MID1: variants seen among roughly 807,000 people sequenced by gnomAD.
MID1 encodes midline 1, also known as E3 ubiquitin-protein ligase Midline-1.
In MID1, 7 loss-of-function variants were observed where a neutral mutation model predicts 40.4. The ratio of observed to expected loss-of-function variants is 0.17; its 90% CI spans 0.10 to 0.33. MID1 has a LOEUF of 0.33. MID1 is among the 10% of genes least tolerant of loss of function. MID1 has a pLI of 1.00. For synonymous variants in MID1, 229 were observed against 221.2 expected (o/e 1.04, Z -0.31); for missense variants, 367 against 558.5 (o/e 0.66, Z 3.46).
intron 5 of MID1, among the ~76,000 whole-genome samples, chrX:10,480,870 C>T (rs1468599881): frequency 1.8e-5 from 2 of 112,249 alleles, no homozygotes; most frequent in Non-Finnish European, 3.8e-5. Context: ...ATACATTACT[C>T]TTTAAGAAGA....
intron 1 of MID1, among the ~76,000 whole-genome samples, chrX:10,607,566 G>A (rs934681803): frequency 8.9e-6 from 1 of 112,522 alleles, no homozygotes; most frequent in Admixed American, 9.4e-5. Context: ...ATGTATGTCT[G>A]TGTATATGTA....
At chrX:10,643,917 A>G (rs1936233169) in intron 1 of MID1, among the ~76,000 whole-genome samples, 1 of 111,174 alleles carries the variant, frequency 9.0e-6, no homozygotes, top group Non-Finnish European at 1.9e-5. Context: ...AGAAAACCAA[A>G]CACCATATGT....
At chrX:10,457,194 G>T (rs936358668) in intron 8 of MID1, among the ~76,000 whole-genome samples, 3 of 111,796 alleles carry the variant, frequency 2.7e-5, no homozygotes, top group South Asian at 3.8e-4. Flanking sequence ...AGTTCTGCTC[G>T]GCCTCCTTCC....
At chrX:10,628,159 T>C (rs1213980803) in intron 1 of MID1, among the ~76,000 whole-genome samples, 3 of 107,204 alleles carry the variant, frequency 2.8e-5, no homozygotes, top group Non-Finnish European at 3.9e-5. Flanking sequence ...TTGTCATAAG[T>C]TTTTTTTTTC....
chrX:10,768,976 G>T (rs1327238483), intron 1 of MID1, among the ~76,000 whole-genome samples: 1 of 111,636 alleles, frequency 9.0e-6, no homozygotes, highest in East Asian at 2.8e-4. Flanking sequence ...GTGTGAATGG[G>T]TGTGCACACA....
intron 1 of MID1, among the ~76,000 whole-genome samples, chrX:10,630,498 C>T (rs1428221857): frequency 9.3e-6 from 1 of 107,456 alleles, no homozygotes; most frequent in African/African-American, 3.5e-5. Flanking sequence ...GTAGTAGGAG[C>T]TGAAGTCTCA....
chrX:10,482,030 G>A (rs1930357038), intron 5 of MID1, among the ~76,000 whole-genome samples: 1 of 111,411 alleles, frequency 9.0e-6, no homozygotes, highest in African/African-American at 3.3e-5. Context: ...ATGAAAATGG[G>A]CCTAACAGAG....
At chrX:10,754,830 A>T (rs1296126779) in intron 1 of MID1, among the ~76,000 whole-genome samples, 1 of 112,279 alleles carries the variant, frequency 8.9e-6, no homozygotes, top group African/African-American at 3.2e-5. Context: ...TTTAGTTGCA[A>T]AATATATTAA....
intron 9 of MID1, among the ~76,000 whole-genome samples, chrX:10,451,057 G>A (rs1164141368): frequency 8.9e-6 from 1 of 111,783 alleles, no homozygotes; most frequent in East Asian, 2.8e-4. Context: ...AGAGTGGTGT[G>A]TTTGTTTAAA....
At chrX:10,575,035 A>C (rs1934834676) in intron 1 of MID1, among the ~76,000 whole-genome samples, 1 of 112,883 alleles carries the variant, frequency 8.9e-6, no homozygotes, top group South Asian at 3.6e-4. Flanking sequence ...AAATGGTTTC[A>C]GAACAGGAAG....
At chrX:10,782,912 CTACA>C (rs888229284) in intron 1 of MID1, among the ~76,000 whole-genome samples, 7 of 111,389 alleles carry the variant, frequency 6.3e-5, no homozygotes, top group African/African-American at 2.3e-4. Context: ...TACCCCAGAA[CTACA>C]TACACAGAAT....
At chrX:10,535,810 T>C (rs1029743400) in intron 2 of MID1, among the ~76,000 whole-genome samples, 5 of 112,356 alleles carry the variant, frequency 4.5e-5, no homozygotes, top group African/African-American at 9.7e-5. Context: ...GACAAAAGAA[T>C]AGATTTACAG....
intron 9 of MID1, among the ~76,000 whole-genome samples, chrX:10,453,785 A>G (rs111400600): frequency 0.017 from 1,920 of 112,025 alleles, 39 homozygotes; most frequent in African/African-American, 0.055. Flanking sequence ...ACTGCTGGTT[A>G]AGAGCCTGAC....
At chrX:10,765,993 AAGAAAG>A (rs1188833141) in intron 1 of MID1, among the ~76,000 whole-genome samples, 2 of 109,424 alleles carry the variant, frequency 1.8e-5, no homozygotes, top group Non-Finnish European at 3.8e-5. Flanking sequence ...GAAAGAAAGA[AAGAAAG>A]AAAGAAAGAA....
intron 1 of MID1, among the ~76,000 whole-genome samples, chrX:10,654,555 G>A (rs1162022560): frequency 2.7e-5 from 3 of 111,659 alleles, no homozygotes; most frequent in African/African-American, 6.5e-5. Context: ...TAAGGTTTGC[G>A]CTCCTATGAG....
intron 2 of MID1, among the ~76,000 whole-genome samples, chrX:10,557,708 G>C (rs1934176139): frequency 8.9e-6 from 1 of 112,188 alleles, no homozygotes; most frequent in South Asian, 3.7e-4. Context: ...GAATCAAAAA[G>C]CCAGAAGAAA....
chrX:10,563,004 T>G (rs1475754304), intron 2 of MID1, among the ~76,000 whole-genome samples: 2 of 96,371 alleles, frequency 2.1e-5, no homozygotes, highest in Admixed American at 2.1e-4. Flanking sequence ...GTTATAGAAA[T>G]TATAATAAAA....
At chrX:10,586,108 T>C (rs1190410406) in intron 1 of MID1, among the ~76,000 whole-genome samples, 1 of 111,543 alleles carries the variant, frequency 9.0e-6, no homozygotes, top group Non-Finnish European at 1.9e-5. Context: ...AGTAACATTA[T>C]ACAAACAAGT....
At chrX:10,524,401 T>TA (rs112846166) in intron 2 of MID1, among the ~76,000 whole-genome samples, 1,323 of 105,766 alleles carry the variant, frequency 0.013, 18 homozygotes, top group African/African-American at 0.04. Context: ...GCTGATGAGC[T>TA]AAAAAAAAAA....
Sources: allele counts gnomAD v4.1 joint callset (sites outside exome capture counted in the v4.1 genomes callset), GRCh38; gene constraint gnomAD v4.1.1; transcripts MANE v1.5; gene names NCBI Gene and HGNC (gene_info 2026-07-23, HGNC 2026-07-21).